Variants in NXPE4 observed in about 807,000 individuals in gnomAD.
NXPE4 encodes neurexophilin and PC-esterase domain family member 4, also known as NXPE family member 4.
NXPE4 carries 42 observed loss-of-function variants against 33.3 expected under a neutral mutation model. That is an observed-to-expected ratio of 1.26 (90% confidence interval 0.98 to 1.63). The LOEUF is 1.63. Among genes scored for constraint, NXPE4 ranks in the 40% most tolerant of loss-of-function variants. The probability of loss-of-function intolerance (pLI) is 0.00; values close to 1 mark genes in which losing one functional copy is unlikely to be tolerated. For missense variants in NXPE4, 709 were observed against 647.6 expected, an observed-to-expected ratio of 1.09 and a Z score of -1.03; for synonymous variants, 253 against 234.9, an observed-to-expected ratio of 1.08 and a Z score of -0.71.
chr11:114,671,152 A>G, the NXPE4 span, among the ~76,000 whole-genome samples: 1 of 150,342 alleles, frequency 6.7e-6, no homozygotes, highest in Admixed American at 6.6e-5. Flanking sequence ...ACTGATATGA[A>G]AAGTTAACTA....
intron 1 of NXPE4, 79 bp from the exon 2 acceptor site, chr11:114,594,848 AT>A: frequency 1.9e-5 from 15 of 773,880 alleles, no homozygotes; most frequent in South Asian, 3.3e-5. Context: ...AACATTTGAA[AT>A]TTTTTTGGCT....
chr11:114,655,010 A>T, the NXPE4 span, among the ~76,000 whole-genome samples: 2 of 152,156 alleles, frequency 1.3e-5, no homozygotes, highest in Admixed American at 1.3e-4. Flanking sequence ...AATAATCACC[A>T]TTCTGACTGG....
At position 114,570,878 on chromosome 11, in the gene NXPE4, C is replaced by T; in HGVS notation, c.*60G>A. 7 of 1,219,068 alleles carry T rather than the reference C, an allele frequency of 5.7e-6. No individual in the cohort carries two copies. The highest frequency in any genetic ancestry group is 8.0e-6 in the Non-Finnish European group (7 of 874,220). The allele number at this position is 1,219,068 out of a possible 1,614,324, so 75.5% of individuals were successfully genotyped here. A position where few individuals can be genotyped will look rare whatever the true frequency, so the allele number is the denominator to read the frequency against. On this transcript the variant is annotated 3_prime_UTR_variant, in exon 6 of 6. Transcript: ENST00000375478. ...AGAGCCAAACACAGCATCTGGCCTG[C>T]TAGTAGACAGTCAATAAATTTTTTT...
At chr11:114,585,568 T>C (rs1949273115) in intron 2 of NXPE4, among the ~76,000 whole-genome samples, 1 of 152,038 alleles carries the variant, frequency 6.6e-6, no homozygotes, top group South Asian at 2.1e-4. Context: ...GATCAATTCA[T>C]CAAGAGAAAA....
At chr11:114,607,966 G>C in the NXPE4 span, among the ~76,000 whole-genome samples, 1 of 151,752 alleles carries the variant, frequency 6.6e-6, no homozygotes, top group Non-Finnish European at 1.5e-5. Flanking sequence ...TGGATAATAA[G>C]TGTTGCCTCG....
At chr11:114,641,333 G>A in the NXPE4 span, among the ~76,000 whole-genome samples, 11 of 152,050 alleles carry the variant, frequency 7.2e-5, no homozygotes, top group African/African-American at 2.2e-4. Context: ...GAAGCAATAC[G>A]TTATTTTCAA....
At chr11:114,629,146 G>T in the NXPE4 span, among the ~76,000 whole-genome samples, 1 of 152,100 alleles carries the variant, frequency 6.6e-6, no homozygotes, top group Non-Finnish European at 1.5e-5. Flanking sequence ...AATAGAAAAA[G>T]AGGGAACCCT....
the NXPE4 span, among the ~76,000 whole-genome samples, chr11:114,601,585 T>TATATATTATAATTATAAATA: frequency 0.014 from 99 of 7,048 alleles, no homozygotes; most frequent in Middle Eastern, 0.071. Context: ...AATTATATAT[T>TATATATTATAATTATAAATA]ATATATATTA....
intron 2 of NXPE4, among the ~76,000 whole-genome samples, chr11:114,590,871 C>T (rs1363752490): frequency 6.6e-6 from 1 of 152,164 alleles, no homozygotes; most frequent in African/African-American, 2.4e-5. Context: ...TTATGGGGAA[C>T]CTTTGGCTAA....
chr11:114,632,462 C>T, the NXPE4 span, among the ~76,000 whole-genome samples: 3 of 124,816 alleles, frequency 2.4e-5, no homozygotes, highest in African/African-American at 8.9e-5. Flanking sequence ...AAGAGTTATA[C>T]ATTATATATA....
At chr11:114,573,303 AAAAC>A (rs1326049635) in intron 5 of NXPE4, among the ~76,000 whole-genome samples, 4 of 152,138 alleles carry the variant, frequency 2.6e-5, no homozygotes, top group African/African-American at 9.7e-5. Context: ...AATGAAAAGA[AAAAC>A]AAGGTATTTA....
the NXPE4 span, among the ~76,000 whole-genome samples, chr11:114,602,255 TTATA>T: frequency 4.2e-5 from 5 of 117,956 alleles, no homozygotes; most frequent in Non-Finnish European, 6.4e-5. Context: ...ACAATATATG[TTATA>T]TATAATATAT....
the NXPE4 span, among the ~76,000 whole-genome samples, chr11:114,612,715 T>C: frequency 6.6e-6 from 1 of 151,658 alleles, no homozygotes. Flanking sequence ...GTATAATGTG[T>C]TGCCTCGTGG....
chr11:114,583,112 C>T (rs1395677252), intron 2 of NXPE4, 91 bp from the exon 3 acceptor site: 1 of 1,347,262 alleles, frequency 7.4e-7, no homozygotes, highest in Non-Finnish European at 1.0e-6. Flanking sequence ...ATGAAATTAA[C>T]ATGTTCCTAG....
the NXPE4 span, among the ~76,000 whole-genome samples, chr11:114,609,031 C>A: frequency 9.8e-4 from 143 of 146,178 alleles, 1 homozygote; most frequent in South Asian, 0.017. Context: ...GGTAACCACT[C>A]TTACCTGGTG....
chr11:114,639,599 C>T, the NXPE4 span, among the ~76,000 whole-genome samples: 9 of 149,340 alleles, frequency 6.0e-5, no homozygotes, highest in South Asian at 4.2e-4. Context: ...TGTTCCTATT[C>T]GGCCATCTTG....
the NXPE4 span, among the ~76,000 whole-genome samples, chr11:114,608,494 T>C: frequency 2.7e-5 from 4 of 150,656 alleles, no homozygotes; most frequent in African/African-American, 9.7e-5. Flanking sequence ...CAATGTTACC[T>C]GGTAGATGAT....
chr11:114,628,390 G>A, the NXPE4 span, among the ~76,000 whole-genome samples: 15 of 152,226 alleles, frequency 9.9e-5, 1 homozygote, highest in South Asian at 2.9e-3. Context: ...TGAACTACAT[G>A]GAAACTGAAC....
Position 114,582,999 on chromosome 11 carries a change from G to C in NXPE4, c.119C>G (p.Ser40Cys). The change falls in exon 3 of 6, where the codon TCC (serine) becomes TGC (cysteine). Residue 40 changes from serine (S) to cysteine (C), a missense_variant. Transcript: ENST00000375478. ...GTTGTTCCAGTAATGGAGGGAGATG[G>C]ATAAGTTTAGAGCAGACCAAACCTG... The part of the protein sequence containing the change: ...STKVWSALNL[S>C]ISLHYWNNST... 1 of 1,612,652 alleles carries C rather than the reference G, an allele frequency of 6.2e-7. No homozygotes were observed. The highest frequency in any genetic ancestry group is 1.7e-4 in the Middle Eastern group (1 of 6,056).
Sources: allele counts gnomAD v4.1 joint callset (sites outside exome capture counted in the v4.1 genomes callset), GRCh38; gene constraint gnomAD v4.1.1; transcripts MANE v1.5; gene names NCBI Gene and HGNC (gene_info 2026-07-23, HGNC 2026-07-21).